The following NOS1 variants were observed in gnomAD, a reference collection of about 807,000 sequenced individuals.
NOS1 encodes NOS type I.
In NOS1, 51 loss-of-function variants were observed where a neutral mutation model predicts 164.5. That is an observed-to-expected ratio of 0.31 (90% CI 0.25 to 0.39). NOS1 has a LOEUF of 0.39. Ranked by LOEUF, NOS1 falls within the 10% of genes least tolerant of loss-of-function variation. NOS1 has a pLI of 1.00. For missense variants in NOS1, 1,362 were observed against 1,885.6 expected, an observed-to-expected ratio of 0.72 and a Z score of 5.14; for synonymous variants, 719 against 745.8, an observed-to-expected ratio of 0.96 and a Z score of 0.59.
intron 4 of NOS1, among the ~76,000 whole-genome samples, chr12:117,289,957 T>C (rs774820526): frequency 6.6e-6 from 1 of 152,210 alleles, no homozygotes; most frequent in Non-Finnish European, 1.5e-5. Context: ...CCCCCCTCCC[T>C]GTGTGCCCGA....
At chr12:117,262,514 G>GGA (rs879291334) in intron 13 of NOS1, among the ~76,000 whole-genome samples, 3,386 of 146,322 alleles carry the variant, frequency 0.023, 142 homozygotes, top group African/African-American at 0.082. Context: ...AGAAGAGAGA[G>GGA]GAGAGAGAGA....
intron 1 of NOS1, among the ~76,000 whole-genome samples, chr12:117,354,749 GA>G (rs1335826033): frequency 2.6e-5 from 4 of 152,158 alleles, no homozygotes; most frequent in African/African-American, 9.7e-5. Flanking sequence ...TGGACACCAT[GA>G]GCTACCTTGA....
At chr12:117,359,889 T>C (rs1261065849) in intron 1 of NOS1, among the ~76,000 whole-genome samples, 5 of 27,508 alleles carry the variant, frequency 1.8e-4, no homozygotes, top group South Asian at 2.5e-3. Context: ...TATATATATA[T>C]ATATATATAT....
intron 2 of NOS1, among the ~76,000 whole-genome samples, chr12:117,317,498 A>G (rs948006914): frequency 6.7e-6 from 1 of 150,160 alleles, no homozygotes; most frequent in Non-Finnish European, 1.5e-5. Context: ...AACCAAAAAA[A>G]TGCTTCCAGA....
chr12:117,222,368 G>A (rs1383703824), intron 26 of NOS1, among the ~76,000 whole-genome samples: 1 of 152,108 alleles, frequency 6.6e-6, no homozygotes, highest in African/African-American at 2.4e-5. Context: ...TGATTCTCCT[G>A]CCTCAGCCTG....
rs536402984 is a variant in NOS1, at chr12:117,220,635, C to A, written c.3976-366G>T. Among the ~76,000 whole-genome samples, 14 of 152,244 alleles carry A rather than the reference C, an allele frequency of 9.2e-5. 1 individual carries two copies. In the South Asian group the frequency reaches 2.1e-3, roughly 23 times the overall value. On this transcript the variant is annotated intron_variant, in intron 26 of 28. Transcript: ENST00000317775. ...GGCCAATGGTCACCGGGTGTTAACA[C>A]CTGCACATTTCCAGGTGTGCAGCTG... is the stretch of plus-strand genomic sequence containing the variant.
chr12:117,270,569 T>A (rs780455273), intron 10 of NOS1, among the ~76,000 whole-genome samples: 1 of 152,050 alleles, frequency 6.6e-6, no homozygotes, highest in African/African-American at 2.4e-5. Flanking sequence ...GAGGAAAGTA[T>A]GTATAGAAGA....
chr12:117,221,298 G>A (rs1956701225), intron 26 of NOS1, among the ~76,000 whole-genome samples: 1 of 151,494 alleles, frequency 6.6e-6, no homozygotes, highest in African/African-American at 2.4e-5. Context: ...GGGACTACAG[G>A]CATGCATCAC....
intron 3 of NOS1, among the ~76,000 whole-genome samples, chr12:117,295,568 C>G (rs1873354193): frequency 6.6e-6 from 1 of 150,870 alleles, no homozygotes; most frequent in African/African-American, 2.4e-5. Context: ...ACCCCGATCA[C>G]TGCGTTTGCT....
intron 16 of NOS1, among the ~76,000 whole-genome samples, chr12:117,256,284 G>GTTT (rs57047376): frequency 2.5e-5 from 3 of 118,450 alleles, no homozygotes; most frequent in East Asian, 2.6e-4. Context: ...GGGATTTTCT[G>GTTT]TTTTTTTTTT....
Position 117,213,225 on chromosome 12 carries a change from T to C in NOS1, c.*2084A>G. The C allele has an allele frequency of 1.0e-6, 1 of 985,458 alleles. No individual in the cohort carries two copies. Among genetic ancestry groups the C allele is most frequent in the Non-Finnish European group, 1.2e-6 (1 of 829,952 alleles). The allele number at this position is 985,458 out of a possible 1,614,324, so 61.0% of individuals were successfully genotyped here. ...ATGGGGATTGGACACAACAGTTTCC[T>C]TCCCTGGGGAATTGGGGAGGCGTCT... On this transcript the variant is annotated 3_prime_UTR_variant, in exon 29 of 29. Coordinates refer to ENST00000317775, the MANE Select transcript of NOS1 (RefSeq NM_000620.5).
chr12:117,299,876 G>A (rs1443739437), intron 3 of NOS1, among the ~76,000 whole-genome samples: 1 of 151,866 alleles, frequency 6.6e-6, no homozygotes. Context: ...ATAGCCAGAT[G>A]TTACTGGACA....
intron 21 of NOS1, among the ~76,000 whole-genome samples, chr12:117,233,643 C>T (rs928162131): frequency 6.6e-6 from 1 of 151,670 alleles, no homozygotes; most frequent in Non-Finnish European, 1.5e-5. Flanking sequence ...CCTGTCTCTA[C>T]TAAAAATACA....
chr12:117,221,805 C>CCAGCTA (rs1676528076), intron 26 of NOS1, among the ~76,000 whole-genome samples: 1 of 146,318 alleles, frequency 6.8e-6, no homozygotes, highest in Non-Finnish European at 1.5e-5. Context: ...GCCACCACGC[C>CCAGCTA]CAGCTAACTT....
intron 20 of NOS1, among the ~76,000 whole-genome samples, chr12:117,240,486 C>T (rs1286217545): frequency 6.6e-6 from 1 of 152,190 alleles, no homozygotes; most frequent in East Asian, 1.9e-4. Flanking sequence ...TACTCAGCAG[C>T]CTTGCAATGC....
At chr12:117,262,488 G>GGA (rs71099035) in intron 13 of NOS1, among the ~76,000 whole-genome samples, 54,416 of 118,222 alleles carry the variant, frequency 0.46, 13,618 homozygotes, top group African/African-American at 0.67. Flanking sequence ...AGGGGGAGGG[G>GGA]GAGAGAGAGA....
chr12:117,213,868 CATTT>C lies in NOS1; in HGVS notation c.*1437_*1440del. On this transcript the variant is annotated 3_prime_UTR_variant, in exon 29 of 29. Coordinates refer to ENST00000317775, the MANE Select transcript of NOS1 (RefSeq NM_000620.5). ...AGTATACAAAGGGATCCCTTCCCAC[CATTT>C]ACTCTGAGAGAGTAAATTCAACAGG... 1.0e-6 allele frequency: 1 copy of C among 985,350 alleles called. No individual in the cohort carries two copies. The highest frequency in any genetic ancestry group is 1.2e-6 in the Non-Finnish European group (1 of 829,884). The allele number at this position is 985,350 out of a possible 1,614,324, so 61.0% of individuals were successfully genotyped here.
At chr12:117,218,470 A>T (rs2135920521) in intron 27 of NOS1, among the ~76,000 whole-genome samples, 1 of 152,114 alleles carries the variant, frequency 6.6e-6, no homozygotes, top group East Asian at 1.9e-4. Context: ...CGATGAGGTC[A>T]AATGGAAACC....
rs1956581376 is a variant in NOS1, at chr12:117,214,926, G to A, written c.*383C>T. ...GAGAAAGGGGGACTTCAGTGGCTGA[G>A]GGACTGGCTCAGAGAGCTTGTGCCT... On this transcript the variant is annotated 3_prime_UTR_variant, in exon 29 of 29. Coordinates refer to ENST00000317775, the MANE Select transcript of NOS1 (RefSeq NM_000620.5). The A allele has an allele frequency of 1.5e-5, 16 of 1,033,560 alleles. No individual in the cohort carries two copies. The South Asian group carries it at 6.9e-4, about 45-fold the overall frequency. The allele number at this position is 1,033,560 out of a possible 1,614,324, so 64.0% of individuals were successfully genotyped here. A position where few individuals can be genotyped will look rare whatever the true frequency, so the allele number is the denominator to read the frequency against.
Sources: allele counts gnomAD v4.1 joint callset (sites outside exome capture counted in the v4.1 genomes callset), GRCh38; gene constraint gnomAD v4.1.1; transcripts MANE v1.5; gene names NCBI Gene and HGNC (gene_info 2026-07-23, HGNC 2026-07-21).